RNFT2: variants seen among roughly 807,000 people sequenced by gnomAD.
RNFT2 encodes the protein ring finger protein, transmembrane 2, also known as E3 ubiquitin-protein ligase RNFT2.
A neutral mutation model predicts 53.0 loss-of-function variants in RNFT2; 36 were observed. That is an observed-to-expected ratio of 0.68 (90% CI 0.52 to 0.90). RNFT2 has a LOEUF of 0.90. Among genes scored for constraint, RNFT2 ranks in the 40% least tolerant of loss-of-function variants. RNFT2 has a pLI of 0.00. For missense variants in RNFT2, 514 were observed against 585.6 expected (o/e 0.88, Z 1.26); for synonymous variants, 260 against 253.2 (o/e 1.03, Z -0.26).
intron 4 of RNFT2, among the ~76,000 whole-genome samples, chr12:116,750,886 TATATAA>T (rs1872206710): frequency 4.4e-4 from 2 of 4,590 alleles, no homozygotes; most frequent in Non-Finnish European, 2.6e-3. Flanking sequence ...ATATATTATA[TATATAA>T]TATATATATA....
At chr12:116,748,725 GC>G in intron 3 of RNFT2, 1 of 437,734 alleles carries the variant, frequency 2.3e-6, no homozygotes, top group Non-Finnish European at 4.6e-6. Flanking sequence ...TGCAGAGCCA[GC>G]GGTCCTTGGG....
chr12:116,822,146 A>G (rs1876071316), intron 7 of RNFT2, among the ~76,000 whole-genome samples: 1 of 151,864 alleles, frequency 6.6e-6, no homozygotes, highest in Non-Finnish European at 1.5e-5. Flanking sequence ...ACCTCCTTCA[A>G]CCAGAGGAAC....
intron 6 of RNFT2, among the ~76,000 whole-genome samples, chr12:116,776,889 G>GC: frequency 6.7e-6 from 1 of 149,140 alleles, no homozygotes; most frequent in East Asian, 2.0e-4. Flanking sequence ...ACCTCTTAGT[G>GC]CCCCAGTGTC....
chr12:116,778,894 A>C (rs537453296), intron 6 of RNFT2, among the ~76,000 whole-genome samples: 1 of 152,208 alleles, frequency 6.6e-6, no homozygotes, highest in Non-Finnish European at 1.5e-5. Context: ...TCTATAAGTT[A>C]CCCAGCCTAA....
chr12:116,828,590 C>A (rs531227554), intron 7 of RNFT2, among the ~76,000 whole-genome samples: 1 of 152,116 alleles, frequency 6.6e-6, no homozygotes, highest in African/African-American at 2.4e-5. Context: ...CTTAGTACCT[C>A]CAGAACCTGG....
At chr12:116,783,469 CAT>C (rs1349178708) in intron 7 of RNFT2, among the ~76,000 whole-genome samples, 1 of 152,218 alleles carries the variant, frequency 6.6e-6, no homozygotes, top group Non-Finnish European at 1.5e-5. Context: ...CTGGGGACCA[CAT>C]ATGTTGACCA....
chr12:116,754,251 GAA>G (rs1872392371), intron 5 of RNFT2, among the ~76,000 whole-genome samples, 191 bp downstream of exon 5: 1 of 152,124 alleles, frequency 6.6e-6, no homozygotes, highest in Admixed American at 6.5e-5. Context: ...ACATCACTTA[GAA>G]TAATAGTTTC....
At chr12:116,842,533 C>T (rs1018684249) in intron 10 of RNFT2, among the ~76,000 whole-genome samples, 3 of 151,910 alleles carry the variant, frequency 2.0e-5, no homozygotes, top group African/African-American at 7.3e-5. Context: ...ATTGGCAGGG[C>T]CTGGTATCAT....
intron 5 of RNFT2, among the ~76,000 whole-genome samples, chr12:116,757,411 T>A (rs1592941307): frequency 6.6e-6 from 1 of 152,166 alleles, no homozygotes; most frequent in African/African-American, 2.4e-5. Flanking sequence ...AGGGGTGACC[T>A]TGGAGTGTCA....
intron 3 of RNFT2, among the ~76,000 whole-genome samples, chr12:116,749,238 A>G (rs1414472500): frequency 1.3e-5 from 2 of 150,362 alleles, no homozygotes; most frequent in African/African-American, 2.4e-5. Context: ...GGGTCTTTAC[A>G]TGGTCTACTC....
chr12:116,740,369 C>A lies in RNFT2; in HGVS notation c.-129C>A. ...GGTTTGGAGTCTCTGGCAAGCTCCC[C>A]TGACTGTGCATCCCTCTGGAGACGA... is the stretch of plus-strand genomic sequence containing the variant. On this transcript the variant is annotated 5_prime_UTR_variant, in exon 2 of 11. The change creates a new upstream start codon in the 5' untranslated region. Transcript: ENST00000257575. The A allele has an allele frequency of 2.3e-6, 2 of 876,070 alleles. No homozygotes were observed. Among genetic ancestry groups the A allele is most frequent in the Non-Finnish European group, 3.7e-6 (2 of 545,338 alleles). 54.3% of individuals were successfully genotyped at this position (876,070 alleles called of 1,614,324 possible).
chr12:116,819,461 G>C (rs1378524598), intron 7 of RNFT2, among the ~76,000 whole-genome samples: 1 of 152,102 alleles, frequency 6.6e-6, no homozygotes, highest in East Asian at 1.9e-4. Context: ...ATGAGATCAT[G>C]AGATGCCGGC....
chr12:116,817,578 A>C (rs1168691901), intron 7 of RNFT2, among the ~76,000 whole-genome samples: 1 of 152,198 alleles, frequency 6.6e-6, no homozygotes, highest in Non-Finnish European at 1.5e-5. Flanking sequence ...CTCAGCTACC[A>C]ACAGAGGACA....
chr12:116,789,180 A>G (rs912072569), intron 7 of RNFT2, among the ~76,000 whole-genome samples: 1 of 138,688 alleles, frequency 7.2e-6, no homozygotes, highest in Non-Finnish European at 1.5e-5. Context: ...TGGATGGGTA[A>G]ATGGTAGGAG....
chr12:116,748,586 GT>G, intron 3 of RNFT2: 1 of 414,106 alleles, frequency 2.4e-6, no homozygotes, highest in South Asian at 1.7e-5. Flanking sequence ...CCTAGAACAG[GT>G]GGAGCTGGAG....
At position 116,803,704 on chromosome 12, in the gene RNFT2, C is replaced by T. The variant is rs151230025; in HGVS notation, c.882+24356C>T. The stretch of plus-strand genomic sequence containing the variant: ...GGCTTCTTCCATGGAATGAAATCAC[C>T]ATCCCCCAGGATGTTCTCATAGGAC... On this transcript the variant is annotated intron_variant, in intron 7 of 10. Coordinates refer to ENST00000257575, the MANE Select transcript of RNFT2 (RefSeq NM_001382266.1). 2.5e-3 allele frequency among the ~76,000 whole-genome samples: 375 copies of T among 152,286 alleles called. 3 individuals carry two copies. Among genetic ancestry groups the T allele is most frequent in the African/African-American group, 8.4e-3 (351 of 41,550 alleles).
At chr12:116,739,755 A>T (rs1258043613) in intron 1 of RNFT2, among the ~76,000 whole-genome samples, 2 of 152,270 alleles carry the variant, frequency 1.3e-5, no homozygotes, top group Non-Finnish European at 2.9e-5. Flanking sequence ...AGTTGGAAAC[A>T]GATGATGCTA....
Position 116,836,024 on chromosome 12 carries a change from A to G in RNFT2, c.1097A>G (p.Gln366Arg). ...GCCCTGAAGCTTCTCTGTACCTCTC[A>G]GGTGAGTTGGCTTCAGGTGGTCCCC... ...RKALKLLCTS[Q>R]NYGVRATGQQ... The change falls in exon 9 of 11, where the codon CAG becomes CGG. Residue 366 changes from glutamine to arginine, a missense_variant and splice_region_variant. Transcript: ENST00000257575. 1.2e-6 allele frequency: 2 copies of G among 1,614,002 alleles called. No homozygotes were observed. The highest frequency in any genetic ancestry group is 1.7e-6 in the Non-Finnish European group (2 of 1,179,874).
At chr12:116,800,862 A>ATAAAATAAAATAAAT (rs61232241) in intron 7 of RNFT2, among the ~76,000 whole-genome samples, 1 of 143,370 alleles carries the variant, frequency 7.0e-6, no homozygotes, top group African/African-American at 2.7e-5. Context: ...ATAAAATAAA[A>ATAAAATAAAATAAAT]ACCATTTAAC....
Sources: gnomAD v4.1 joint callset for allele counts (sites outside exome capture counted in the v4.1 genomes callset) on GRCh38, gnomAD v4.1.1 for gene constraint, MANE v1.5 for transcripts, NCBI Gene and HGNC (gene_info 2026-07-23, HGNC 2026-07-21) for gene names.